The following FBXO17 variants were observed in gnomAD, a reference collection of about 807,000 sequenced individuals.
The protein encoded by FBXO17 is F-box protein 17, also known as F-box only protein 17.
FBXO17 carries 43 observed loss-of-function variants against 34.1 expected under a neutral mutation model. That is an observed-to-expected ratio of 1.26 (90% CI 0.99 to 1.62). The LOEUF is 1.62. Among genes scored for constraint, FBXO17 ranks in the 40% most tolerant of loss-of-function variants. FBXO17 has a pLI of 0.00. For missense variants in FBXO17, 424 were observed against 386.7 expected, an observed-to-expected ratio of 1.10 and a Z score of -0.81; for synonymous variants, 169 against 166.0, an observed-to-expected ratio of 1.02 and a Z score of -0.14.
chr19:38,946,032 T>C lies in FBXO17; in HGVS notation c.557+440A>G. On this transcript the variant is annotated intron_variant, in intron 4 of 5. Transcript: ENST00000292852. ...AGCCTGAAGGAGGAGCTGGAATGCTTTGGGGCAGAACCTGGGTGTTTTGGG... is the reference window on the plus strand; with the variant it reads ...AGCCTGAAGGAGGAGCTGGAATGCTCTGGGGCAGAACCTGGGTGTTTTGGG... The C allele has an allele frequency of 1.5e-5, 3 of 197,220 alleles. No individual in the cohort carries two copies. The South Asian group carries it at 2.8e-4, about 18-fold the overall frequency. 12.2% of individuals were successfully genotyped at this position (197,220 alleles called of 1,614,324 possible).
intron 1 of FBXO17, among the ~76,000 whole-genome samples, chr19:38,960,914 C>T (rs996709585): frequency 1.3e-5 from 2 of 151,722 alleles, no homozygotes; most frequent in Non-Finnish European, 2.9e-5. Context: ...TCAAGCAATT[C>T]TCCTGCCTCA....
At chr19:38,968,975 C>T (rs1288290151) in intron 1 of FBXO17, among the ~76,000 whole-genome samples, 8 of 151,994 alleles carry the variant, frequency 5.3e-5, no homozygotes, top group Non-Finnish European at 1.2e-4. Flanking sequence ...GGTTGCACAA[C>T]TCTGTAAAGT....
chr19:38,947,281 A>C (rs899567614), intron 3 of FBXO17: 1 of 152,268 alleles, frequency 6.6e-6, no homozygotes, highest in Non-Finnish European at 1.5e-5. Context: ...TGAGCAATGG[A>C]ATAGAACAAA....
intron 3 of FBXO17, among the ~76,000 whole-genome samples, chr19:38,947,722 A>C (rs1024334079): frequency 6.6e-6 from 1 of 152,064 alleles, no homozygotes; most frequent in Non-Finnish European, 1.5e-5. Flanking sequence ...CTTTTGAGTC[A>C]AGGTCTTATT....
chr19:38,961,988 T>C (rs909653874), intron 1 of FBXO17, among the ~76,000 whole-genome samples: 3 of 152,048 alleles, frequency 2.0e-5, no homozygotes, highest in African/African-American at 7.2e-5. Flanking sequence ...AAATTCAATT[T>C]TTCTTTTCTA....
chr19:38,965,334 CTTTTT>C (rs11376869), intron 1 of FBXO17, among the ~76,000 whole-genome samples: 1 of 143,394 alleles, frequency 7.0e-6, no homozygotes, highest in African/African-American at 2.6e-5. Flanking sequence ...TTTTTCTTTT[CTTTTT>C]TTTTTTTGAG....
chr19:38,962,724 C>T (rs1407210722), intron 1 of FBXO17, among the ~76,000 whole-genome samples: 1 of 148,280 alleles, frequency 6.7e-6, no homozygotes, highest in Non-Finnish European at 1.5e-5. Flanking sequence ...TTTTTCTTTC[C>T]TTTTTTTTTT....
intron 1 of FBXO17, among the ~76,000 whole-genome samples, chr19:38,957,784 G>A (rs1975189005): frequency 6.6e-6 from 1 of 152,160 alleles, no homozygotes; most frequent in Non-Finnish European, 1.5e-5. Flanking sequence ...TGAGCCCTCA[G>A]CTATCCACAC....
chr19:38,961,908 C>T (rs1299102977), intron 1 of FBXO17, among the ~76,000 whole-genome samples: 2 of 152,066 alleles, frequency 1.3e-5, no homozygotes, highest in African/African-American at 4.8e-5. Context: ...AGTGATCCGC[C>T]TGCGTCGGCC....
intron 1 of FBXO17, among the ~76,000 whole-genome samples, chr19:38,964,438 C>G (rs983311207): frequency 1.3e-5 from 2 of 152,024 alleles, no homozygotes. Flanking sequence ...CAGGTTCAAG[C>G]GATTCTCCTG....
intron 1 of FBXO17, among the ~76,000 whole-genome samples, chr19:38,964,320 C>T (rs977854454): frequency 3.3e-5 from 5 of 152,116 alleles, no homozygotes; most frequent in South Asian, 2.1e-4. Flanking sequence ...TTCCTCTACC[C>T]GATTCTCCCT....
intron 1 of FBXO17, among the ~76,000 whole-genome samples, chr19:38,973,813 A>G (rs1007496425): frequency 1.3e-5 from 2 of 151,698 alleles, no homozygotes; most frequent in African/African-American, 4.8e-5. Context: ...CCCCGTATCC[A>G]CAAAAAATAA....
chr19:38,963,637 GC>G (rs1975282630), intron 1 of FBXO17, among the ~76,000 whole-genome samples: 1 of 152,008 alleles, frequency 6.6e-6, no homozygotes, highest in Admixed American at 6.6e-5. Context: ...CCTTTTTATT[GC>G]TGGGTAATAG....
At chr19:38,960,062 G>T (rs1426616503) in intron 1 of FBXO17, among the ~76,000 whole-genome samples, 3 of 152,118 alleles carry the variant, frequency 2.0e-5, no homozygotes, top group Non-Finnish European at 2.9e-5. Flanking sequence ...TCAAACAAAA[G>T]ATGTTACTAT....
rs985052626 is a variant in FBXO17, at chr19:38,943,418, C to T, written c.694-667G>A. The stretch of plus-strand genomic sequence containing the variant: ...CCTCCCGAGTAGCTGGGATTACAGG[C>T]GCGCACCACCATGCCCGGCTAATTT... On this transcript the variant is annotated intron_variant, in intron 5 of 5. Transcript: ENST00000292852. Among the ~76,000 whole-genome samples, 29 of 150,732 alleles carry T rather than the reference C, an allele frequency of 1.9e-4. 1 individual carries two copies. Among genetic ancestry groups the T allele is most frequent in the African/African-American group, 5.6e-4 (23 of 40,896 alleles).
At chr19:38,950,707 G>A (rs376050057) in intron 1 of FBXO17, among the ~76,000 whole-genome samples, 1 of 152,330 alleles carries the variant, frequency 6.6e-6, no homozygotes, top group African/African-American at 2.4e-5. Flanking sequence ...TTAGACCGCT[G>A]AGATAATATG....
chr19:38,969,311 C>CGT (rs1239627450), intron 1 of FBXO17, among the ~76,000 whole-genome samples: 1 of 151,322 alleles, frequency 6.6e-6, no homozygotes, highest in Non-Finnish European at 1.5e-5. Context: ...GGCATGGTGG[C>CGT]GTGTGTGTGT....
intron 1 of FBXO17, among the ~76,000 whole-genome samples, chr19:38,956,803 C>G (rs139613897): frequency 0.013 from 1,905 of 152,184 alleles, 40 homozygotes; most frequent in African/African-American, 0.039. Context: ...TCGCTTGAAC[C>G]TGGGAGGTGG....
rs1238980237 is a variant in FBXO17 at position 38,949,997 on chromosome 19, T to C, written c.323A>G (p.Asn108Ser). 1 of 1,550,870 alleles carries C rather than the reference T, an allele frequency of 6.4e-7. No homozygotes were observed. The highest frequency in any genetic ancestry group is 1.4e-5 in the African/African-American group (1 of 72,742). The change falls in exon 2 of 6, where the codon AAT (asparagine) becomes AGT (serine). Residue 108 changes from asparagine (N) to serine (S), a missense_variant. By Grantham distance (46) the Asn-to-Ser change is conservative. Transcript: ENST00000292852. ...CTCTCCGCAGGAGTTGAAGATGAGATTGCGGCCGAAGGGCGCGCGCAGACA... is the reference window on the plus strand; with the variant it reads ...CTCTCCGCAGGAGTTGAAGATGAGACTGCGGCCGAAGGGCGCGCGCAGACA... ...RYCLRAPFGRNLIFNSCGEQG... is the reference protein window; with the variant it reads ...RYCLRAPFGRSLIFNSCGEQG...
Sources: gnomAD v4.1 joint callset for allele counts (sites outside exome capture counted in the v4.1 genomes callset) on GRCh38, gnomAD v4.1.1 for gene constraint, MANE v1.5 for transcripts, NCBI Gene and HGNC (gene_info 2026-07-23, HGNC 2026-07-21) for gene names.